The following MAP2K6 variants were observed in gnomAD, a reference collection of about 807,000 sequenced individuals.
MAP2K6 encodes dual specificity mitogen-activated protein kinase kinase 6.
In MAP2K6, 16 loss-of-function variants were observed where a neutral mutation model predicts 53.7. The ratio of observed to expected loss-of-function variants is 0.30; its 90% CI spans 0.20 to 0.45. MAP2K6 has a LOEUF of 0.45. Among genes scored for constraint, MAP2K6 ranks in the 20% least tolerant of loss-of-function variants. MAP2K6 has a pLI of 1.00. For missense variants in MAP2K6, 204 were observed against 411.9 expected (o/e 0.50, Z 4.37); for synonymous variants, 132 against 143.1 (o/e 0.92, Z 0.55).
intron 2 of MAP2K6, among the ~76,000 whole-genome samples, chr17:69,508,068 T>TTTTTTTGTTGGG (rs1909617573): frequency 1.1e-5 from 1 of 90,442 alleles, no homozygotes; most frequent in African/African-American, 4.9e-5. Context: ...TTTTTTTTTT[T>TTTTTTTGTTGGG]GAGACGGAGT....
intron 11 of MAP2K6, among the ~76,000 whole-genome samples, chr17:69,539,221 T>C (rs1911497051): frequency 6.6e-6 from 1 of 152,230 alleles, no homozygotes; most frequent in African/African-American, 2.4e-5. Flanking sequence ...GACCTGCTGG[T>C]GACTGTAGCT....
chr17:69,445,825 T>C (rs1367556065), intron 1 of MAP2K6, among the ~76,000 whole-genome samples: 1 of 152,192 alleles, frequency 6.6e-6, no homozygotes, highest in Non-Finnish European at 1.5e-5. Flanking sequence ...CATTAATAGT[T>C]ATTTAGATGA....
intron 2 of MAP2K6, among the ~76,000 whole-genome samples, chr17:69,514,543 G>T (rs1910038680): frequency 6.6e-6 from 1 of 151,972 alleles, no homozygotes; most frequent in Non-Finnish European, 1.5e-5. Flanking sequence ...GTTTATATCT[G>T]TATTTGTATT....
At chr17:69,486,761 C>T (rs1028323415) in intron 1 of MAP2K6, among the ~76,000 whole-genome samples, 7 of 148,746 alleles carry the variant, frequency 4.7e-5, no homozygotes, top group East Asian at 1.9e-4. Flanking sequence ...CATCCAAACC[C>T]CCTGCTTAGG....
chr17:69,451,647 G>A (rs1907229643), intron 1 of MAP2K6, among the ~76,000 whole-genome samples: 1 of 152,190 alleles, frequency 6.6e-6, no homozygotes, highest in African/African-American at 2.4e-5. Context: ...GGAGTTGAAT[G>A]AGGAACCAGC....
chr17:69,523,175 T>C (rs1014875975), intron 7 of MAP2K6, among the ~76,000 whole-genome samples: 1 of 152,234 alleles, frequency 6.6e-6, no homozygotes, highest in Non-Finnish European at 1.5e-5. Flanking sequence ...TAAATATCAA[T>C]AGATCATTTT....
At chr17:69,533,916 A>G (rs577177294) in intron 10 of MAP2K6, among the ~76,000 whole-genome samples, 57 of 152,256 alleles carry the variant, frequency 3.7e-4, no homozygotes, top group African/African-American at 1.3e-3. Flanking sequence ...AGACAAAGAC[A>G]AACCAGCTGG....
chr17:69,530,349 T>TATTAA (rs1317514225), intron 10 of MAP2K6, among the ~76,000 whole-genome samples: 1 of 151,780 alleles, frequency 6.6e-6, no homozygotes, highest in Non-Finnish European at 1.5e-5. Flanking sequence ...CAAAATGCAA[T>TATTAA]ATAAAATAAA....
rs984200402 is a variant in MAP2K6 at position 69,543,456 on chromosome 17, A to C, written c.*1703A>C. The C allele has an allele frequency of 2.6e-5, 4 of 152,098 alleles. No individual in the cohort carries two copies. Among genetic ancestry groups the C allele is most frequent in the African/African-American group, 9.7e-5 (4 of 41,438 alleles). The allele number at this position is 152,098 out of a possible 1,614,324, so 9.4% of individuals were successfully genotyped here. On this transcript the variant is annotated 3_prime_UTR_variant, in exon 12 of 12. Coordinates refer to ENST00000590474, the MANE Select transcript of MAP2K6 (RefSeq NM_002758.4). ...GAACACTTCTTCATATTCAGTTCCAAGATATATCTGCTTGATTAAACATGA... is the reference window on the plus strand; with the variant it reads ...GAACACTTCTTCATATTCAGTTCCACGATATATCTGCTTGATTAAACATGA...
At chr17:69,486,703 C>T (rs1908550534) in intron 1 of MAP2K6, among the ~76,000 whole-genome samples, 1 of 152,194 alleles carries the variant, frequency 6.6e-6, no homozygotes, top group Admixed American at 6.5e-5. Context: ...CAGCCTTACC[C>T]TTCTGCTAAA....
In MAP2K6 at chr17:69,424,897, C is replaced by T. The variant is rs115271058; in HGVS notation, c.16+9897C>T. Among the ~76,000 whole-genome samples, 766 of 152,222 alleles carry T rather than the reference C, an allele frequency of 5.0e-3. 9 individuals carry two copies. The highest frequency in any genetic ancestry group is 0.018 in the African/African-American group (742 of 41,520). ...TGAAGGAGGCTGATTACAATTGGCC[C>T]ACTGATAGTTACTGGTCTGGATATA... On this transcript the variant is annotated intron_variant, in intron 1 of 11. Coordinates refer to ENST00000590474, the MANE Select transcript of MAP2K6 (RefSeq NM_002758.4).
At chr17:69,530,063 T>C (rs1786119452) in intron 10 of MAP2K6, among the ~76,000 whole-genome samples, 1 of 152,236 alleles carries the variant, frequency 6.6e-6, no homozygotes, top group African/African-American at 2.4e-5. Context: ...ATTCTATTAA[T>C]ACTGTTTGCT....
intron 1 of MAP2K6, among the ~76,000 whole-genome samples, chr17:69,469,218 G>A (rs1907908716): frequency 6.6e-6 from 1 of 152,204 alleles, no homozygotes; most frequent in Non-Finnish European, 1.5e-5. Context: ...TGCAAGGCTG[G>A]TCAAGTTCTT....
At chr17:69,495,737 A>T (rs893821953) in intron 1 of MAP2K6, among the ~76,000 whole-genome samples, 1 of 152,070 alleles carries the variant, frequency 6.6e-6, no homozygotes, top group East Asian at 1.9e-4. Flanking sequence ...TCTAAAAAAA[A>T]AATACTTATT....
intron 1 of MAP2K6, among the ~76,000 whole-genome samples, chr17:69,428,931 A>AAC (rs140138538): frequency 0.039 from 5,392 of 137,286 alleles, 253 homozygotes; most frequent in African/African-American, 0.12. Context: ...TAAATTAGAG[A>AAC]ACACACACAC....
At chr17:69,511,848 G>A (rs921294673) in intron 2 of MAP2K6, among the ~76,000 whole-genome samples, 2 of 152,142 alleles carry the variant, frequency 1.3e-5, no homozygotes, top group Admixed American at 6.5e-5. Flanking sequence ...GCGTGGTGGC[G>A]GGCACCTGTA....
chr17:69,535,977 G>C, intron 10 of MAP2K6, 138 bp from the exon 11 acceptor site: 1 of 627,176 alleles, frequency 1.6e-6, no homozygotes, highest in Non-Finnish European at 2.8e-6. Context: ...TACAGAAGAG[G>C]AAAGTCAAGA....
chr17:69,496,560 G>T (rs934266060), intron 1 of MAP2K6, among the ~76,000 whole-genome samples: 3 of 152,018 alleles, frequency 2.0e-5, no homozygotes, highest in Non-Finnish European at 2.9e-5. Flanking sequence ...GTAGAGATGG[G>T]GTTTCACCAC....
At chr17:69,515,996 A>G (rs527558767) in intron 2 of MAP2K6, among the ~76,000 whole-genome samples, 9 of 152,318 alleles carry the variant, frequency 5.9e-5, no homozygotes, top group African/African-American at 2.2e-4. Flanking sequence ...CTGTAGCACA[A>G]TGACCTATAT....
Sources: allele counts gnomAD v4.1 joint callset (sites outside exome capture counted in the v4.1 genomes callset), GRCh38; gene constraint gnomAD v4.1.1; transcripts MANE v1.5; gene names NCBI Gene and HGNC (gene_info 2026-07-23, HGNC 2026-07-21).